Variants in GALNTL6 observed in about 807,000 individuals in gnomAD.
GALNTL6 encodes the protein polypeptide N-acetylgalactosaminyltransferase-like 6.
Under a neutral mutation model 73.7 loss-of-function variants are expected in GALNTL6, and 46 were observed. The observed-to-expected ratio is 0.62, with a 90% confidence interval of 0.49 to 0.80. GALNTL6 has a LOEUF of 0.80. GALNTL6 is among the 30% of genes least tolerant of loss of function. The probability of loss-of-function intolerance (pLI) is 0.00; values close to 1 mark genes in which losing one functional copy is unlikely to be tolerated. For missense variants in GALNTL6, 604 were observed against 755.0 expected (o/e 0.80, Z 2.34); for synonymous variants, 259 against 263.7 (o/e 0.98, Z 0.17).
intron 2 of GALNTL6, among the ~76,000 whole-genome samples, chr4:172,107,155 G>A (rs975366429): frequency 6.6e-6 from 1 of 152,180 alleles, no homozygotes; most frequent in African/African-American, 2.4e-5. Context: ...TTACAGGCAT[G>A]AGCCACTGTG....
chr4:173,031,619 GAA>G (rs1040335607), intron 12 of GALNTL6, among the ~76,000 whole-genome samples: 1 of 146,900 alleles, frequency 6.8e-6, no homozygotes, highest in Non-Finnish European at 1.5e-5. Flanking sequence ...TTTAGGTAGG[GAA>G]AAAAAAAAGA....
At chr4:172,342,205 TG>T (rs1741593156) in intron 4 of GALNTL6, among the ~76,000 whole-genome samples, 1 of 152,036 alleles carries the variant, frequency 6.6e-6, no homozygotes, top group Admixed American at 6.5e-5. Flanking sequence ...CAAAAACGTT[TG>T]AGCTAATCAA....
chr4:173,034,408 T>C (rs1753599505), intron 12 of GALNTL6, among the ~76,000 whole-genome samples: 1 of 152,184 alleles, frequency 6.6e-6, no homozygotes, highest in Admixed American at 6.5e-5. Flanking sequence ...ATGTAGCCCC[T>C]GCCTACCTCT....
chr4:172,363,231 C>T (rs752063877), intron 5 of GALNTL6, among the ~76,000 whole-genome samples: 1 of 152,092 alleles, frequency 6.6e-6, no homozygotes, highest in Non-Finnish European at 1.5e-5. Context: ...TTTTCACTAT[C>T]TGAAATGTGT....
intron 5 of GALNTL6, among the ~76,000 whole-genome samples, chr4:172,772,656 G>A (rs1738841455): frequency 6.6e-6 from 1 of 151,852 alleles, no homozygotes; most frequent in African/African-American, 2.4e-5. Context: ...TGTTTTAACT[G>A]TTTTACTTTT....
chr4:172,726,880 C>G (rs1735847618), intron 5 of GALNTL6, among the ~76,000 whole-genome samples: 1 of 152,172 alleles, frequency 6.6e-6, no homozygotes, highest in African/African-American at 2.4e-5. Flanking sequence ...TGAGCTTAAC[C>G]ACCATTTCAA....
intron 2 of GALNTL6, among the ~76,000 whole-genome samples, chr4:172,014,080 C>T (rs761150985): frequency 2.0e-5 from 3 of 152,072 alleles, no homozygotes; most frequent in Non-Finnish European, 2.9e-5. Context: ...AGTAGCACTC[C>T]ATTGTGCATA....
At chr4:172,691,299 A>T (rs1733271017) in intron 5 of GALNTL6, among the ~76,000 whole-genome samples, 1 of 152,184 alleles carries the variant, frequency 6.6e-6, no homozygotes, top group South Asian at 2.1e-4. Context: ...AAGAAGATTG[A>T]TAAATAAGGT....
chr4:172,703,053 A>G (rs1734120816), intron 5 of GALNTL6, among the ~76,000 whole-genome samples: 1 of 151,846 alleles, frequency 6.6e-6, no homozygotes, highest in Non-Finnish European at 1.5e-5. Context: ...GCTTTTATTT[A>G]TTTATTTTTA....
At chr4:172,540,656 T>C (rs1735519737) in intron 5 of GALNTL6, among the ~76,000 whole-genome samples, 1 of 152,254 alleles carries the variant, frequency 6.6e-6, no homozygotes, top group Middle Eastern at 3.4e-3. Flanking sequence ...AAGGTATACA[T>C]TGGGTTCAGC....
At chr4:172,570,422 T>C (rs1736717994) in intron 5 of GALNTL6, among the ~76,000 whole-genome samples, 2 of 152,154 alleles carry the variant, frequency 1.3e-5, no homozygotes, top group South Asian at 4.1e-4. Flanking sequence ...AAAATGCATA[T>C]GTTGAAGTCC....
chr4:172,054,144 G>A (rs1730954869), intron 2 of GALNTL6, among the ~76,000 whole-genome samples: 1 of 151,840 alleles, frequency 6.6e-6, no homozygotes, highest in Non-Finnish European at 1.5e-5. Context: ...TACTTCATGA[G>A]AAATCTAATA....
chr4:172,440,231 A>C (rs1322576084), intron 5 of GALNTL6, among the ~76,000 whole-genome samples: 1 of 152,140 alleles, frequency 6.6e-6, no homozygotes, highest in South Asian at 2.1e-4. Flanking sequence ...CCTTGGAAAA[A>C]CCCAAGATGC....
At chr4:171,875,250 G>A (rs1051337508) in intron 2 of GALNTL6, among the ~76,000 whole-genome samples, 1 of 152,206 alleles carries the variant, frequency 6.6e-6, no homozygotes, top group South Asian at 2.1e-4. Flanking sequence ...AAGAAGCAAA[G>A]GGCTTATTAA....
intron 2 of GALNTL6, chr4:171,816,431 GTTC>G (rs1734526487): frequency 6.6e-6 from 1 of 151,756 alleles, no homozygotes; most frequent in South Asian, 2.1e-4. Flanking sequence ...CTTATTTCTG[GTTC>G]TTCTGTAGTG....
At chr4:172,264,914 G>A (rs186687628) in intron 3 of GALNTL6, among the ~76,000 whole-genome samples, 1 of 149,760 alleles carries the variant, frequency 6.7e-6, no homozygotes, top group Admixed American at 6.7e-5. Flanking sequence ...TTTATACAGT[G>A]CAACCACAAA....
intron 5 of GALNTL6, among the ~76,000 whole-genome samples, chr4:172,525,974 A>G (rs939988412): frequency 6.6e-6 from 1 of 152,228 alleles, no homozygotes; most frequent in Non-Finnish European, 1.5e-5. Flanking sequence ...AAGTTCTTAC[A>G]TATTTCATTT....
chr4:173,030,620 C>T (rs981375714), intron 12 of GALNTL6, among the ~76,000 whole-genome samples: 3 of 151,848 alleles, frequency 2.0e-5, no homozygotes, highest in Admixed American at 6.6e-5. Flanking sequence ...CAAGCAGGTG[C>T]GGGGTGGGAG....
chr4:172,017,008 A>T (rs1412489544), intron 2 of GALNTL6, among the ~76,000 whole-genome samples: 1 of 152,008 alleles, frequency 6.6e-6, no homozygotes, highest in Non-Finnish European at 1.5e-5. Context: ...TTATTTATTT[A>T]CTTAATTTTT....
Sources: allele counts gnomAD v4.1 joint callset (sites outside exome capture counted in the v4.1 genomes callset), GRCh38; gene constraint gnomAD v4.1.1; transcripts MANE v1.5; gene names NCBI Gene and HGNC (gene_info 2026-07-23, HGNC 2026-07-21).